The following ULK4 variants were observed in gnomAD, a reference collection of about 807,000 sequenced individuals.
The protein encoded by ULK4 is unc-51 like kinase 4.
ULK4 carries 133 observed loss-of-function variants against 160.6 expected under a neutral mutation model. That is an observed-to-expected ratio of 0.83 (90% CI 0.72 to 0.96). The LOEUF is 0.96. Ranked by LOEUF, ULK4 falls within the 40% of genes least tolerant of loss-of-function variation. The pLI, the probability that ULK4 is intolerant of heterozygous loss-of-function variation, is 0.00. For synonymous variants in ULK4, 534 were observed against 539.8 expected (o/e 0.99, Z 0.15); for missense variants, 1,580 against 1,499.5 (o/e 1.05, Z -0.89).
intron 30 of ULK4, among the ~76,000 whole-genome samples, chr3:41,660,998 T>C (rs2035132703): frequency 6.6e-6 from 1 of 152,206 alleles, no homozygotes; most frequent in South Asian, 2.1e-4. Context: ...TTATATAAAA[T>C]TGTATAAATT....
At chr3:41,421,913 G>A (rs992904602) in intron 34 of ULK4, among the ~76,000 whole-genome samples, 1 of 152,080 alleles carries the variant, frequency 6.6e-6, no homozygotes, top group Non-Finnish European at 1.5e-5. Context: ...TCTTGTAGAT[G>A]CAAAATATCA....
At chr3:41,783,513 G>T (rs1389257260) in intron 21 of ULK4, among the ~76,000 whole-genome samples, 1 of 150,804 alleles carries the variant, frequency 6.6e-6, no homozygotes. Flanking sequence ...TCCAGCCTAG[G>T]CAACAGACCA....
intron 31 of ULK4, among the ~76,000 whole-genome samples, chr3:41,571,948 C>T (rs904935741): frequency 8.5e-5 from 13 of 152,164 alleles, no homozygotes; most frequent in African/African-American, 3.1e-4. Flanking sequence ...AGCAGAGCTG[C>T]CACACGGGCC....
chr3:41,571,777 G>A (rs1256389), intron 31 of ULK4, among the ~76,000 whole-genome samples: 117,176 of 152,144 alleles, frequency 0.77, 45,434 homozygotes, highest in Middle Eastern at 0.86. Context: ...GCAATACAGG[G>A]GATTAGGTAA....
intron 35 of ULK4, among the ~76,000 whole-genome samples, chr3:41,384,281 G>A (rs996408487): frequency 2.0e-5 from 3 of 151,770 alleles, no homozygotes; most frequent in African/African-American, 4.8e-5. Flanking sequence ...CATAAGACAA[G>A]TGACTCAGGC....
chr3:41,296,192 G>A (rs2079664373), intron 35 of ULK4, among the ~76,000 whole-genome samples: 1 of 152,218 alleles, frequency 6.6e-6, no homozygotes, highest in Non-Finnish European at 1.5e-5. Context: ...AGTGCGGGAT[G>A]CAGTGCATGT....
chr3:41,387,809 T>C (rs1048224051), intron 35 of ULK4, among the ~76,000 whole-genome samples: 2 of 152,212 alleles, frequency 1.3e-5, no homozygotes, highest in African/African-American at 2.4e-5. Flanking sequence ...GTCTCTGCTA[T>C]TGTGAATAGT....
At chr3:41,330,622 T>G (rs1175630698) in intron 35 of ULK4, among the ~76,000 whole-genome samples, 1 of 152,174 alleles carries the variant, frequency 6.6e-6, no homozygotes, top group Non-Finnish European at 1.5e-5. Flanking sequence ...TGAGAAGCCA[T>G]GTTTACCCCT....
intron 16 of ULK4, among the ~76,000 whole-genome samples, chr3:41,891,365 G>GGGAA (rs1697957638): frequency 7.1e-6 from 1 of 140,078 alleles, no homozygotes; most frequent in African/African-American, 3.1e-5. Context: ...GAGGGAGGGA[G>GGGAA]GCAGGCAGGC....
chr3:41,593,655 A>C (rs2031501370), intron 31 of ULK4, among the ~76,000 whole-genome samples: 1 of 152,192 alleles, frequency 6.6e-6, no homozygotes, highest in Non-Finnish European at 1.5e-5. Context: ...AGTCATAGCT[A>C]ATTTCCATTT....
intron 35 of ULK4, among the ~76,000 whole-genome samples, chr3:41,392,978 T>C (rs1194506705): frequency 2.0e-5 from 3 of 152,170 alleles, no homozygotes; most frequent in Non-Finnish European, 2.9e-5. Flanking sequence ...CCTCTATCCA[T>C]ATGCATATCC....
intron 21 of ULK4, among the ~76,000 whole-genome samples, chr3:41,782,134 T>C (rs909640680): frequency 6.6e-6 from 1 of 151,718 alleles, no homozygotes; most frequent in South Asian, 2.1e-4. Flanking sequence ...TGATTTTCAC[T>C]TCATCTTCAT....
At chr3:41,686,525 A>C (rs180885547) in intron 27 of ULK4, among the ~76,000 whole-genome samples, 1 of 152,220 alleles carries the variant, frequency 6.6e-6, no homozygotes, top group Non-Finnish European at 1.5e-5. Context: ...TTACTTTTAC[A>C]TTAATTTGAA....
intron 20 of ULK4, among the ~76,000 whole-genome samples, chr3:41,799,209 C>T (rs900906288): frequency 2.0e-5 from 3 of 151,750 alleles, no homozygotes; most frequent in Non-Finnish European, 4.4e-5. Context: ...GTTTGAGAGC[C>T]CAGATGAGAT....
intron 34 of ULK4, 111 bp from the exon 35 acceptor site, chr3:41,398,375 G>T (rs1401999907): frequency 3.8e-6 from 4 of 1,060,052 alleles, no homozygotes; most frequent in Non-Finnish European, 5.4e-6. Context: ...GTAGTCTGCT[G>T]AATACTTTTT....
At chr3:41,720,567 C>T (rs2037414351) in intron 22 of ULK4, among the ~76,000 whole-genome samples, 1 of 151,798 alleles carries the variant, frequency 6.6e-6, no homozygotes, top group African/African-American at 2.4e-5. Context: ...TAGAAAAAGA[C>T]TAACAAAAGA....
At chr3:41,878,790 T>G (rs1287740438) in intron 17 of ULK4, among the ~76,000 whole-genome samples, 1 of 151,580 alleles carries the variant, frequency 6.6e-6, no homozygotes, top group African/African-American at 2.4e-5. Context: ...CTGAGTCTAG[T>G]GATCAACTTT....
Position 41,575,002 on chromosome 3 carries a change from AC to A in ULK4, c.3121-8873del. Reference sequence around the variant, plus strand: ...TGTCCACAGCCCTGGTTGGATTTAAACCCCTGAAAGGAGGGGAAGCCACAAA... The same window carrying A: ...TGTCCACAGCCCTGGTTGGATTTAAACCCTGAAAGGAGGGGAAGCCACAAA... On this transcript the variant is annotated intron_variant, in intron 31 of 36. Transcript: ENST00000301831. 2.0e-5 allele frequency among the ~76,000 whole-genome samples: 3 copies of A among 152,240 alleles called. No individual in the cohort carries two copies. In the Middle Eastern group the frequency reaches 0.01, roughly 518 times the overall value.
chr3:41,924,584 C>G (rs1384028477), intron 5 of ULK4, among the ~76,000 whole-genome samples: 1 of 152,148 alleles, frequency 6.6e-6, no homozygotes, highest in East Asian at 1.9e-4. Context: ...ACCTTGTTTT[C>G]TATAAAATTA....
Sources: allele counts gnomAD v4.1 joint callset (sites outside exome capture counted in the v4.1 genomes callset), GRCh38; gene constraint gnomAD v4.1.1; transcripts MANE v1.5; gene names NCBI Gene and HGNC (gene_info 2026-07-23, HGNC 2026-07-21).